Variants in IKZF2 observed in about 807,000 individuals in gnomAD.
IKZF2 encodes the protein zinc finger protein Helios.
In IKZF2, 15 loss-of-function variants were observed where a neutral mutation model predicts 49.2. The observed-to-expected ratio is 0.30, with a 90% CI of 0.20 to 0.47. The LOEUF (loss-of-function observed/expected upper bound fraction) is 0.47, where lower values mean the gene tolerates loss of function less well. Ranked by LOEUF, IKZF2 falls within the 20% of genes least tolerant of loss-of-function variation. IKZF2 has a pLI of 1.00. For missense variants in IKZF2, 567 were observed against 664.6 expected (o/e 0.85, Z 1.61); for synonymous variants, 227 against 221.4 (o/e 1.03, Z -0.23).
intron 4 of IKZF2, among the ~76,000 whole-genome samples, chr2:213,145,650 T>C (rs1362315492): frequency 6.6e-6 from 1 of 152,018 alleles, no homozygotes; most frequent in Non-Finnish European, 1.5e-5. Context: ...AGAGGAAAAA[T>C]GGGTATCTTC....
At chr2:213,008,822 AC>A (rs1204109898) in intron 8 of IKZF2, among the ~76,000 whole-genome samples, 1 of 152,056 alleles carries the variant, frequency 6.6e-6, no homozygotes, top group East Asian at 1.9e-4. Context: ...AACATATGGC[AC>A]CTCACTGTTG....
intron 8 of IKZF2, among the ~76,000 whole-genome samples, 187 bp downstream of exon 8, chr2:213,013,604 T>C (rs1367813479): frequency 6.6e-6 from 1 of 152,028 alleles, no homozygotes. Context: ...CTCTCATATG[T>C]ATTTGTGTGT....
At position 213,003,049 on chromosome 2, in the gene IKZF2, TTTCTC is replaced by T. The variant is rs1164201748; in HGVS notation, c.*4306_*4310del. ...TTCCTTTTAACAGCTGAGCTGAAAA[TTTCTC>T]TATTAGAAATTGCTCTAAAGATTTG... is the stretch of plus-strand genomic sequence containing the variant. On this transcript the variant is annotated 3_prime_UTR_variant, in exon 9 of 9. Coordinates refer to ENST00000434687, the MANE Select transcript of IKZF2 (RefSeq NM_001387220.1). 1.3e-5 allele frequency: 2 copies of T among 152,000 alleles called. No individual in the cohort carries two copies. Among genetic ancestry groups the T allele is most frequent in the African/African-American group, 4.8e-5 (2 of 41,398 alleles). 9.4% of individuals were successfully genotyped at this position (152,000 alleles called of 1,614,324 possible). A position where few individuals can be genotyped will look rare whatever the true frequency, so the allele number is the denominator to read the frequency against.
chr2:213,127,834 A>ATTTG (rs2060320509), intron 4 of IKZF2, among the ~76,000 whole-genome samples: 1 of 152,208 alleles, frequency 6.6e-6, no homozygotes, highest in Non-Finnish European at 1.5e-5. Context: ...AACTAACTTA[A>ATTTG]GAATACATGT....
chr2:213,148,140 G>A (rs1239313619), intron 3 of IKZF2, among the ~76,000 whole-genome samples: 2 of 152,100 alleles, frequency 1.3e-5, no homozygotes, highest in Admixed American at 6.5e-5. Context: ...AATTTATAAT[G>A]AGCATTTTCC....
Position 213,151,449 on chromosome 2 carries a change from TTTTG to T in IKZF2, c.-160_-157del, listed in dbSNP as rs985332976. 2 of 152,512 alleles carry T rather than the reference TTTTG, an allele frequency of 1.3e-5. No homozygotes were observed. Among genetic ancestry groups the T allele is most frequent in the African/African-American group, 4.8e-5 (2 of 41,398 alleles). 9.4% of individuals were successfully genotyped at this position (152,512 alleles called of 1,614,324 possible). A position where few individuals can be genotyped will look rare whatever the true frequency, so the allele number is the denominator to read the frequency against. On this transcript the variant is annotated 5_prime_UTR_variant, in exon 1 of 9. Coordinates refer to ENST00000434687, the MANE Select transcript of IKZF2 (RefSeq NM_001387220.1). ...ATGCAGTAAAATAATCCCATCACCC[TTTTG>T]TTTGTGTTTACTGTTAATGTGTCCT... is the stretch of plus-strand genomic sequence containing the variant.
chr2:213,029,965 T>C (rs192444893), intron 6 of IKZF2, among the ~76,000 whole-genome samples: 69 of 152,260 alleles, frequency 4.5e-4, no homozygotes, highest in Non-Finnish European at 8.2e-4. Context: ...AAAAAATCAT[T>C]AGACATTTGT....
intron 4 of IKZF2, among the ~76,000 whole-genome samples, chr2:213,121,579 C>T (rs2060058621): frequency 2.0e-5 from 3 of 152,172 alleles, no homozygotes; most frequent in African/African-American, 7.2e-5. Context: ...GCTATAAATA[C>T]AAGGACCATT....
At chr2:213,118,968 G>A (rs1162674201) in intron 4 of IKZF2, among the ~76,000 whole-genome samples, 3 of 152,090 alleles carry the variant, frequency 2.0e-5, no homozygotes, top group Non-Finnish European at 4.4e-5. Context: ...TAAAACAACA[G>A]TAATCTATTA....
At chr2:213,084,173 T>G (rs1003279989) in intron 4 of IKZF2, among the ~76,000 whole-genome samples, 3 of 152,180 alleles carry the variant, frequency 2.0e-5, no homozygotes, top group Non-Finnish European at 4.4e-5. Flanking sequence ...TCAACCACCT[T>G]GATTTTGCAT....
chr2:213,057,995 T>C (rs1212137388), intron 4 of IKZF2, among the ~76,000 whole-genome samples: 1 of 152,176 alleles, frequency 6.6e-6, no homozygotes, highest in Non-Finnish European at 1.5e-5. Context: ...AAGCTTTAAG[T>C]GAGTATCAGT....
At chr2:213,124,373 GCT>G (rs2060186163) in intron 4 of IKZF2, among the ~76,000 whole-genome samples, 1 of 151,766 alleles carries the variant, frequency 6.6e-6, no homozygotes, top group Non-Finnish European at 1.5e-5. Flanking sequence ...AGATCAATCA[GCT>G]CTGTCATGAA....
rs188399751 is a variant in IKZF2 at position 213,116,797 on chromosome 2, T to C, written c.139+30911A>G. Among the ~76,000 whole-genome samples the C allele has an allele frequency of 4.1e-4, 62 of 152,368 alleles. 1 individual carries two copies. The highest frequency in any genetic ancestry group is 7.1e-4 in the Non-Finnish European group (48 of 68,028). The stretch of plus-strand genomic sequence containing the variant: ...GTAATTGGCTCTGAATGTACAATTA[T>C]GACTGCTTTAGCCCTGACTTCCTTT... On this transcript the variant is annotated intron_variant, in intron 4 of 8. Coordinates refer to ENST00000434687, the MANE Select transcript of IKZF2 (RefSeq NM_001387220.1).
At chr2:213,123,521 C>T in intron 4 of IKZF2, among the ~76,000 whole-genome samples, 1 of 152,134 alleles carries the variant, frequency 6.6e-6, no homozygotes, top group East Asian at 1.9e-4. Flanking sequence ...TTAATAGGTG[C>T]AGCACACCAA....
At chr2:213,050,016 T>G (rs758029634) in intron 5 of IKZF2, 136 bp from the exon 6 acceptor site, 1 of 542,862 alleles carries the variant, frequency 1.8e-6, no homozygotes, top group Non-Finnish European at 2.9e-6. Context: ...AACATTTATC[T>G]GCCCAGAATT....
In IKZF2 at chr2:213,001,376, T is replaced by A. The variant is rs914576116; in HGVS notation, c.*5984A>T. On this transcript the variant is annotated 3_prime_UTR_variant, in exon 9 of 9. Coordinates refer to ENST00000434687, the MANE Select transcript of IKZF2 (RefSeq NM_001387220.1). ...AATAACTGTCTAGTCTTTCATGATATACATTTTTTGGAGGAAAGCCAAATC... is the reference window on the plus strand; with the variant it reads ...AATAACTGTCTAGTCTTTCATGATAAACATTTTTTGGAGGAAAGCCAAATC... 6.6e-6 allele frequency: 1 copy of A among 151,990 alleles called. No individual in the cohort carries two copies. The highest frequency in any genetic ancestry group is 1.5e-5 in the Non-Finnish European group (1 of 67,616). 9.4% of individuals were successfully genotyped at this position (151,990 alleles called of 1,614,324 possible). A position where few individuals can be genotyped will look rare whatever the true frequency, so the allele number is the denominator to read the frequency against.
chr2:213,018,253 A>T (rs1696824718), intron 7 of IKZF2, among the ~76,000 whole-genome samples: 1 of 152,158 alleles, frequency 6.6e-6, no homozygotes, highest in South Asian at 2.1e-4. Context: ...TAAGATAAAT[A>T]ATCTGCCCTA....
In IKZF2 at chr2:213,088,987, G is replaced by A. The variant is rs567159288; in HGVS notation, c.140-31888C>T. ...CTTTGGTTCTCTGCTGCATTGTAAG[G>A]GAAACCATAATTGCACTACTCTGCA... is the stretch of plus-strand genomic sequence containing the variant. On this transcript the variant is annotated intron_variant, in intron 4 of 8. Coordinates refer to ENST00000434687, the MANE Select transcript of IKZF2 (RefSeq NM_001387220.1). Among the ~76,000 whole-genome samples, 5 of 152,200 alleles carry A rather than the reference G, an allele frequency of 3.3e-5. No individual in the cohort carries two copies. The South Asian group carries it at 1.0e-3, about 32-fold the overall frequency.
At chr2:213,070,080 A>T (rs1034622485) in intron 4 of IKZF2, among the ~76,000 whole-genome samples, 1 of 152,022 alleles carries the variant, frequency 6.6e-6, no homozygotes, top group Non-Finnish European at 1.5e-5. Context: ...TGACTTTCAC[A>T]CTCAGAGGAA....
Sources: allele counts gnomAD v4.1 joint callset (sites outside exome capture counted in the v4.1 genomes callset), GRCh38; gene constraint gnomAD v4.1.1; transcripts MANE v1.5; gene names NCBI Gene and HGNC (gene_info 2026-07-23, HGNC 2026-07-21).